The following ADAM18 variants were observed in gnomAD, a reference collection of about 807,000 sequenced individuals.
ADAM18 encodes the protein disintegrin and metalloproteinase domain-containing protein 18.
Under a neutral mutation model 94.4 loss-of-function variants are expected in ADAM18, and 117 were observed. The ratio of observed to expected loss-of-function variants is 1.24; its 90% CI spans 1.07 to 1.45. ADAM18 has a LOEUF of 1.45. Ranked by LOEUF, ADAM18 falls within the 40% of genes most tolerant of loss-of-function variation. The pLI is 0.00. For synonymous variants in ADAM18, 327 were observed against 291.6 expected, an observed-to-expected ratio of 1.12 and a Z score of -1.24; for missense variants, 936 against 880.0, an observed-to-expected ratio of 1.06 and a Z score of -0.81.
In ADAM18 at chr8:39,609,494, C is replaced by G; in HGVS notation, c.277C>G (p.His93Asp). ...CTATACTGTTTTTCAGATGCATTGC[C>G]ATTACCAAGGATATGCTGCCGAATT... Reference protein sequence around the residue: ...SVSPYFMMHCHYQGYAAEFPN... With the variant: ...SVSPYFMMHCDYQGYAAEFPN... Residue 93 changes from histidine (H) to aspartate (D), a missense_variant, in exon 5 of 20, where the codon CAT (histidine) becomes GAT (aspartate). Physicochemically the swap from His to Asp is moderately conservative, Grantham distance 81 (BLOSUM62 -1). Coordinates refer to ENST00000265707, the MANE Select transcript of ADAM18 (RefSeq NM_014237.3). 6.2e-7 allele frequency: 1 copy of G among 1,610,740 alleles called. No homozygotes were observed. Among genetic ancestry groups the G allele is most frequent in the Non-Finnish European group, 8.5e-7 (1 of 1,177,896 alleles).
chr8:39,716,067 TTTTA>T (rs1466305805), intron 18 of ADAM18, among the ~76,000 whole-genome samples: 2 of 152,064 alleles, frequency 1.3e-5, no homozygotes, highest in Non-Finnish European at 2.9e-5. Context: ...TCATTCCTGA[TTTTA>T]TTTATTTGCA....
intron 16 of ADAM18, among the ~76,000 whole-genome samples, chr8:39,684,612 G>A (rs1487936522): frequency 2.6e-5 from 4 of 152,126 alleles, no homozygotes; most frequent in Admixed American, 2.0e-4. Context: ...GGTTGAGGGG[G>A]CAGTTCTGTA....
chr8:39,698,204 GC>G (rs1012490499), intron 17 of ADAM18, among the ~76,000 whole-genome samples: 8 of 151,444 alleles, frequency 5.3e-5, no homozygotes, highest in African/African-American at 1.9e-4. Context: ...TTTCTAATTT[GC>G]TTTTACAGCC....
At chr8:39,726,301 T>G (rs760219269) in intron 19 of ADAM18, among the ~76,000 whole-genome samples, 6 of 151,358 alleles carry the variant, frequency 4.0e-5, no homozygotes, top group Non-Finnish European at 8.8e-5. Flanking sequence ...TGTGTATATA[T>G]ATAATTTGTA....
intron 2 of ADAM18, among the ~76,000 whole-genome samples, chr8:39,586,752 AAAACTAT>A (rs1818405143): frequency 1.4e-5 from 2 of 140,522 alleles, no homozygotes; most frequent in Admixed American, 7.3e-5. Flanking sequence ...AAACAAACAA[AAAACTAT>A]CTATCTATCT....
chr8:39,610,450 T>C lies in ADAM18; in HGVS notation c.345-79T>C, dbSNP rs1819237200. 14 of 1,427,910 alleles carry C rather than the reference T, an allele frequency of 9.8e-6. No homozygotes were observed. In the South Asian group the frequency reaches 1.7e-4, roughly 18 times the overall value. The allele number at this position is 1,427,910 out of a possible 1,614,324, so 88.5% of individuals were successfully genotyped here. On this transcript the variant is annotated intron_variant, in intron 5 of 19. Transcript: ENST00000265707. ...TTTAGTATAGTTTTTTAATTTCTTATGCCATTTCAGATTATCATTTTGAAG... is the reference window on the plus strand; with the variant it reads ...TTTAGTATAGTTTTTTAATTTCTTACGCCATTTCAGATTATCATTTTGAAG...
intron 17 of ADAM18, among the ~76,000 whole-genome samples, chr8:39,705,318 C>T (rs2129581276): frequency 6.6e-6 from 1 of 152,204 alleles, no homozygotes; most frequent in Non-Finnish European, 1.5e-5. Context: ...GTTAAAGTTG[C>T]TTTGCTCTGG....
intron 10 of ADAM18, among the ~76,000 whole-genome samples, 170 bp downstream of exon 10, chr8:39,638,716 T>C (rs540059151): frequency 1.3e-5 from 2 of 151,976 alleles, no homozygotes; most frequent in South Asian, 4.1e-4. Flanking sequence ...GAAAGTTTAT[T>C]TATTTATAAA....
At position 39,668,040 on chromosome 8, in the gene ADAM18, G is replaced by T. The variant is rs1359210878; in HGVS notation, c.1369G>T (p.Glu457Ter). The change falls in exon 14 of 20, where the codon GAG (glutamate) becomes TAG (stop). Residue 457 changes from glutamate (E) to a stop codon, truncating the protein, a stop_gained. Transcript: ENST00000265707. LOFTEE classifies it high-confidence loss of function. ...TCCATGTAGAAAGAGTATTGATCCA[G>T]AGTGTGATTTTACAGAGTACTGCAA... ...GTPCRKSIDP[E>*]CDFTEYCNGT... The T allele has an allele frequency of 6.2e-7, 1 of 1,614,058 alleles. No homozygotes were observed.
intron 6 of ADAM18, among the ~76,000 whole-genome samples, chr8:39,620,565 T>TTATATATTATATATGTAATATATAATA (rs1819586414): frequency 2.7e-5 from 4 of 147,062 alleles, no homozygotes; most frequent in African/African-American, 7.4e-5. Context: ...ATATAATAAT[T>TTATATATTATATATGTAATATATAATA]TATATATTAT....
chr8:39,650,482 C>T (rs745723282), intron 12 of ADAM18, among the ~76,000 whole-genome samples: 1 of 152,134 alleles, frequency 6.6e-6, no homozygotes, highest in East Asian at 1.9e-4. Context: ...ATCAGTAGCT[C>T]TTCCTACACT....
intron 16 of ADAM18, among the ~76,000 whole-genome samples, chr8:39,688,435 C>T (rs1307699576): frequency 6.6e-6 from 1 of 152,100 alleles, no homozygotes; most frequent in African/African-American, 2.4e-5. Flanking sequence ...TTCTATGTGT[C>T]CATGTGTTCT....
intron 6 of ADAM18, among the ~76,000 whole-genome samples, chr8:39,613,632 G>T (rs1041689656): frequency 6.6e-6 from 1 of 152,060 alleles, no homozygotes; most frequent in African/African-American, 2.4e-5. Flanking sequence ...AAGCTGAAAC[G>T]ACTGAAATTA....
intron 18 of ADAM18, among the ~76,000 whole-genome samples, chr8:39,720,538 C>T (rs540590048): frequency 2.8e-4 from 42 of 151,284 alleles, no homozygotes; most frequent in Non-Finnish European, 5.5e-4. Flanking sequence ...TGCCAACTCT[C>T]GGGCACTAGT....
intron 7 of ADAM18, among the ~76,000 whole-genome samples, chr8:39,635,643 T>C (rs1039142750): frequency 6.6e-6 from 1 of 152,188 alleles, no homozygotes; most frequent in African/African-American, 2.4e-5. Context: ...AGTCCTCAAT[T>C]ATAAGATCCT....
chr8:39,682,670 A>G (rs1279553700), intron 16 of ADAM18, among the ~76,000 whole-genome samples: 2 of 152,198 alleles, frequency 1.3e-5, no homozygotes, highest in African/African-American at 2.4e-5. Flanking sequence ...TAAAATATCT[A>G]TAAGTTATTC....
intron 2 of ADAM18, among the ~76,000 whole-genome samples, chr8:39,599,447 A>C (rs1818838497): frequency 6.6e-6 from 1 of 152,080 alleles, no homozygotes; most frequent in Non-Finnish European, 1.5e-5. Context: ...TTATTTCTTA[A>C]ATGTTTAGTA....
At chr8:39,661,381 A>T (rs1398149796) in intron 12 of ADAM18, among the ~76,000 whole-genome samples, 2 of 130,114 alleles carry the variant, frequency 1.5e-5, no homozygotes, top group African/African-American at 3.1e-5. Flanking sequence ...TCACCGTGTT[A>T]GCCAGGATGG....
In ADAM18 at chr8:39,629,397, A is replaced by T; in HGVS notation, c.546A>T (p.Leu182Phe). The change falls in exon 7 of 20, where the codon TTA becomes TTT. Residue 182 changes from leucine to phenylalanine, a missense_variant. Coordinates refer to ENST00000265707, the MANE Select transcript of ADAM18 (RefSeq NM_014237.3). ...AGATAAAAAATCTTTCAAAACTATTACCCCAATATCTGGAAATATACATTA... is the reference window on the plus strand; with the variant it reads ...AGATAAAAAATCTTTCAAAACTATTTCCCCAATATCTGGAAATATACATTA... ...NSQIKNLSKL[L>F]PQYLEIYIIV... is the part of the protein sequence containing the mutation. 6.3e-7 allele frequency: 1 copy of T among 1,584,892 alleles called. No individual in the cohort carries two copies. The highest frequency in any genetic ancestry group is 2.3e-5 in the East Asian group (1 of 43,566).
Sources: gnomAD v4.1 joint callset for allele counts (sites outside exome capture counted in the v4.1 genomes callset) on GRCh38, gnomAD v4.1.1 for gene constraint, MANE v1.5 for transcripts, NCBI Gene and HGNC (gene_info 2026-07-23, HGNC 2026-07-21) for gene names.